PCDHA6: variants seen among roughly 807,000 people sequenced by gnomAD.
PCDHA6 encodes protocadherin alpha-6.
Under a neutral mutation model 60.3 loss-of-function variants are expected in PCDHA6, and 55 were observed. The observed-to-expected ratio is 0.91, with a 90% confidence interval of 0.73 to 1.14. PCDHA6 has a LOEUF of 1.14. Ranked by LOEUF, PCDHA6 falls within the 50% of genes most tolerant of loss-of-function variation. The pLI is 0.00. For missense variants in PCDHA6, 1,327 were observed against 1,256.5 expected (o/e 1.06, Z -0.85); for synonymous variants, 652 against 557.9 (o/e 1.17, Z -2.38).
intron 1 of PCDHA6, chr5:140,876,828 G>T: frequency 1.2e-6 from 2 of 1,614,170 alleles, no homozygotes; most frequent in Non-Finnish European, 1.7e-6. Context: ...ACGACAATGC[G>T]CCTGCGTTCG....
At chr5:140,848,871 A>T in intron 1 of PCDHA6, 1 of 1,590,856 alleles carries the variant, frequency 6.3e-7, no homozygotes, top group Non-Finnish European at 8.6e-7. Context: ...GGTGAAGGAC[A>T]TTAACGACAA....
At chr5:140,998,645 A>T (rs1020510258) in intron 3 of PCDHA6, among the ~76,000 whole-genome samples, 12 of 151,600 alleles carry the variant, frequency 7.9e-5, no homozygotes, top group Non-Finnish European at 1.6e-4. Context: ...GCTCACTGCA[A>T]CCTCTGCCTC....
chr5:140,865,920 G>A (rs1282584078), intron 1 of PCDHA6: 2 of 152,110 alleles, frequency 1.3e-5, no homozygotes, highest in African/African-American at 2.4e-5. Flanking sequence ...TTTCTGTTGT[G>A]CTTAGAAGAA....
At chr5:141,007,395 C>CAAAA (rs35800918) in intron 3 of PCDHA6, among the ~76,000 whole-genome samples, 7 of 94,852 alleles carry the variant, frequency 7.4e-5, no homozygotes, top group East Asian at 2.9e-4. Context: ...TACTAAAATA[C>CAAAA]AAAAAAAAAA....
In PCDHA6 at chr5:140,843,325, G is replaced by T. The variant is rs2150357511; in HGVS notation, c.2394+12840G>T. ...CCGCCACGGCCACGGTTCTGGTGTC[G>T]CTGGTGGAGAGCGGCCAGGCTCCAA... On this transcript the variant is annotated intron_variant, in intron 1 of 3. Coordinates refer to ENST00000529310, the MANE Select transcript of PCDHA6 (RefSeq NM_018909.4). 5.0e-6 allele frequency: 8 copies of T among 1,596,050 alleles called. 2 individuals are homozygous for T. Among genetic ancestry groups the T allele is most frequent in the Non-Finnish European group, 6.0e-6 (7 of 1,165,566 alleles).
At chr5:140,967,919 G>A (rs1554230110) in intron 1 of PCDHA6, 1 of 1,614,212 alleles carries the variant, frequency 6.2e-7, no homozygotes, top group South Asian at 1.1e-5. Flanking sequence ...CACCATTGTG[G>A]CCGTTCTCAG....
At chr5:140,975,017 G>A (rs1474947976) in intron 1 of PCDHA6, among the ~76,000 whole-genome samples, 1 of 152,154 alleles carries the variant, frequency 6.6e-6, no homozygotes, top group Non-Finnish European at 1.5e-5. Flanking sequence ...ACACAGCTGG[G>A]CTGTGTTGTC....
chr5:140,876,715 C>A (rs570565884), intron 1 of PCDHA6: 7 of 1,614,232 alleles, frequency 4.3e-6, no homozygotes, highest in East Asian at 2.2e-5. Context: ...CGCCCTGGAC[C>A]GCGAGAGCGT....
At chr5:140,848,056 C>T (rs2150406105) in intron 1 of PCDHA6, 2 of 161,888 alleles carry the variant, frequency 1.2e-5, no homozygotes, top group South Asian at 3.2e-4. Context: ...TTAATTGTTA[C>T]TTCATTTCTG....
rs139214405 is a variant in PCDHA6, at chr5:140,927,269, C to A, written c.2395-51680C>A. The A allele has an allele frequency of 2.4e-5, 38 of 1,614,024 alleles. No individual in the cohort carries two copies. In the African/African-American group the frequency reaches 3.9e-4, roughly 16 times the overall value. On this transcript the variant is annotated intron_variant, in intron 1 of 3. Transcript: ENST00000529310. ...AATGACAACTCACCTCTCTTTCCTG[C>A]CGGCGACGTGCAGCTGCACATCCCC...
intron 1 of PCDHA6, among the ~76,000 whole-genome samples, chr5:140,914,575 A>G (rs2076765762): frequency 2.0e-5 from 3 of 152,018 alleles, no homozygotes; most frequent in African/African-American, 7.2e-5. Context: ...TTTACATTCA[A>G]TAATTTCATT....
At position 140,877,744 on chromosome 5, in the gene PCDHA6, G is replaced by T. The variant is rs200651425; in HGVS notation, c.2394+47259G>T. ...TTACTCGCAGCAGAGGAGGCAGAGG[G>T]TGTGCTCTGCAGAGAGCCCGCCCAA... On this transcript the variant is annotated intron_variant, in intron 1 of 3. Coordinates refer to ENST00000529310, the MANE Select transcript of PCDHA6 (RefSeq NM_018909.4). The T allele has an allele frequency of 3.3e-3, 5,393 of 1,614,198 alleles. 26 individuals carry two copies. Among genetic ancestry groups the T allele is most frequent in the South Asian group, 0.011 (995 of 91,084 alleles).
chr5:140,911,729 C>G (rs571299791), intron 1 of PCDHA6, among the ~76,000 whole-genome samples: 1 of 152,134 alleles, frequency 6.6e-6, no homozygotes, highest in Non-Finnish European at 1.5e-5. Flanking sequence ...GTAAACAGTT[C>G]GTGCCAAGGA....
chr5:140,852,081 T>C (rs2042233455), intron 1 of PCDHA6: 1 of 899,702 alleles, frequency 1.1e-6, no homozygotes, highest in Non-Finnish European at 1.4e-6. Context: ...AGCTATTTTA[T>C]TTAATATTGT....
chr5:140,864,013 A>G (rs574478230), intron 1 of PCDHA6: 3 of 153,164 alleles, frequency 2.0e-5, no homozygotes, highest in African/African-American at 4.8e-5. Flanking sequence ...AAAAAAAAGT[A>G]CATTGGAAGT....
Position 140,850,144 on chromosome 5 carries a change from C to G in PCDHA6, c.2394+19659C>G. On this transcript the variant is annotated intron_variant, in intron 1 of 3. Transcript: ENST00000529310. ...GTGCCGCCTCTGGGCAGCAACGTGA[C>G]GCTGCAGGTGTTCGTGCTGGACGAG... The G allele has an allele frequency of 1.9e-6, 3 of 1,595,628 alleles. 1 individual carries two copies. In the African/African-American group the frequency reaches 4.0e-5, roughly 21 times the overall value.
intron 1 of PCDHA6, chr5:140,863,417 G>T (rs182048002): frequency 3.6e-5 from 25 of 701,046 alleles, no homozygotes; most frequent in South Asian, 3.2e-4. Flanking sequence ...CTGGTGTACC[G>T]CAGCGTAGTG....
chr5:140,849,867 TC>T, intron 1 of PCDHA6: 1 of 1,598,534 alleles, frequency 6.3e-7, no homozygotes, highest in Non-Finnish European at 8.6e-7. Flanking sequence ...GTTCGCGCAG[TC>T]CGAGTACACG....
At chr5:140,939,207 T>C (rs1013809748) in intron 1 of PCDHA6, among the ~76,000 whole-genome samples, 1 of 152,180 alleles carries the variant, frequency 6.6e-6, no homozygotes, top group Non-Finnish European at 1.5e-5. Context: ...GAATGTCACC[T>C]TCTTGCTGTC....
Sources: allele counts gnomAD v4.1 joint callset (sites outside exome capture counted in the v4.1 genomes callset), GRCh38; gene constraint gnomAD v4.1.1; transcripts MANE v1.5; gene names NCBI Gene and HGNC (gene_info 2026-07-23, HGNC 2026-07-21).